Variants in FOXP2 observed in about 807,000 individuals in gnomAD.
FOXP2 encodes forkhead box P2, also known as forkhead box protein P2.
FOXP2 carries 12 observed loss-of-function variants against 115.8 expected under a neutral mutation model. The ratio of observed to expected loss-of-function variants is 0.10; its 90% confidence interval spans 0.07 to 0.17. The LOEUF is 0.17. Ranked by LOEUF, FOXP2 falls within the 10% of genes least tolerant of loss-of-function variation. FOXP2 has a pLI of 1.00. For missense variants in FOXP2, 629 were observed against 843.5 expected (o/e 0.75, Z 3.15); for synonymous variants, 328 against 297.7 (o/e 1.10, Z -1.05).
chr7:114,101,977 C>G (rs1174432254), intron 1 of FOXP2, among the ~76,000 whole-genome samples: 3 of 149,834 alleles, frequency 2.0e-5, no homozygotes, highest in African/African-American at 7.3e-5. Context: ...TCTGTTTCAT[C>G]TCAGTTATCT....
chr7:114,427,010 C>T (rs1432711234), intron 2 of FOXP2, among the ~76,000 whole-genome samples: 1 of 151,604 alleles, frequency 6.6e-6, no homozygotes, highest in Non-Finnish European at 1.5e-5. Flanking sequence ...ACTTAGTTTT[C>T]CACCAGAGGG....
intron 1 of FOXP2, among the ~76,000 whole-genome samples, chr7:114,136,579 A>G (rs561658623): frequency 6.6e-6 from 1 of 152,010 alleles, no homozygotes; most frequent in South Asian, 2.1e-4. Context: ...AAAATGGACT[A>G]TGGTCTTTTG....
intron 1 of FOXP2, among the ~76,000 whole-genome samples, chr7:114,264,042 C>T (rs755808318): frequency 6.6e-6 from 1 of 152,036 alleles, no homozygotes; most frequent in African/African-American, 2.4e-5. Flanking sequence ...TTTACGCTGC[C>T]GCCCAGGAGT....
At chr7:114,513,726 C>A (rs1455989962) in intron 2 of FOXP2, among the ~76,000 whole-genome samples, 2 of 152,062 alleles carry the variant, frequency 1.3e-5, no homozygotes, top group Non-Finnish European at 2.9e-5. Context: ...CATAAATCTG[C>A]AGAGTAAACT....
At chr7:114,318,726 T>TATATATATATATATATATATATATAC (rs1417603943) in intron 2 of FOXP2, among the ~76,000 whole-genome samples, 3 of 151,084 alleles carry the variant, frequency 2.0e-5, no homozygotes, top group African/African-American at 7.3e-5. Context: ...TATATATATA[T>TATATATATATATATATATATATATAC]ACACACACAC....
chr7:114,576,327 G>A (rs971716122), intron 3 of FOXP2, among the ~76,000 whole-genome samples: 8 of 151,904 alleles, frequency 5.3e-5, no homozygotes, highest in Non-Finnish European at 1.0e-4. Context: ...TGGAATGTAA[G>A]CTCCCTGATC....
chr7:114,260,162 A>T (rs1193727233), intron 1 of FOXP2, among the ~76,000 whole-genome samples: 1 of 151,112 alleles, frequency 6.6e-6, no homozygotes, highest in Non-Finnish European at 1.5e-5. Context: ...AAGTGCTGGG[A>T]TAACAGATGT....
chr7:114,229,783 T>C (rs1794828716), intron 1 of FOXP2, among the ~76,000 whole-genome samples: 1 of 150,610 alleles, frequency 6.6e-6, no homozygotes, highest in African/African-American at 2.4e-5. Context: ...AACACCTACA[T>C]TGAAGAAAAA....
At chr7:114,108,252 A>C (rs1791173944) in intron 1 of FOXP2, among the ~76,000 whole-genome samples, 1 of 151,842 alleles carries the variant, frequency 6.6e-6, no homozygotes, top group South Asian at 2.1e-4. Flanking sequence ...TGACCATATA[A>C]AGTATTACTT....
chr7:114,691,254 G>C lies in FOXP2; in HGVS notation c.*1328G>C, dbSNP rs760977063. 2.2e-6 allele frequency: 1 copy of C among 452,472 alleles called. No individual in the cohort carries two copies. Among genetic ancestry groups the C allele is most frequent in the Non-Finnish European group, 4.4e-6 (1 of 226,424 alleles). The allele number at this position is 452,472 out of a possible 1,614,324, so 28.0% of individuals were successfully genotyped here. ...CTTTGTTGTGTACTATTTTTTTATA[G>C]TCTTAAGTTATAATGAAAAAACAAA... is the stretch of plus-strand genomic sequence containing the variant. On this transcript the variant is annotated 3_prime_UTR_variant, in exon 17 of 17. Coordinates refer to ENST00000350908, the MANE Select transcript of FOXP2 (RefSeq NM_014491.4).
chr7:114,464,273 G>A (rs1167540710), intron 2 of FOXP2, among the ~76,000 whole-genome samples: 1 of 152,056 alleles, frequency 6.6e-6, no homozygotes, highest in African/African-American at 2.4e-5. Context: ...ACAGAGAAAG[G>A]TAGGTGGGTG....
At chr7:114,163,213 G>T (rs2129151023) in intron 1 of FOXP2, 1 of 152,082 alleles carries the variant, frequency 6.6e-6, no homozygotes, top group Non-Finnish European at 1.5e-5. Flanking sequence ...CAGGTGTTTT[G>T]GTTGTAACTT....
chr7:114,109,483 G>A (rs1339840523), intron 1 of FOXP2, among the ~76,000 whole-genome samples: 1 of 152,006 alleles, frequency 6.6e-6, no homozygotes. Flanking sequence ...TTGAAAGTTT[G>A]TGTTTCTACA....
chr7:114,095,338 A>T (rs1463819422), intron 1 of FOXP2, among the ~76,000 whole-genome samples: 2 of 152,216 alleles, frequency 1.3e-5, no homozygotes, highest in Non-Finnish European at 2.9e-5. Flanking sequence ...TACCCCATGA[A>T]CATACACTGA....
intron 2 of FOXP2, among the ~76,000 whole-genome samples, chr7:114,379,830 G>A (rs1279364831): frequency 2.0e-5 from 3 of 152,152 alleles, no homozygotes; most frequent in Non-Finnish European, 4.4e-5. Flanking sequence ...CATCTGATGG[G>A]TGCTATCAAT....
intron 4 of FOXP2, chr7:114,628,975 C>A: frequency 3.0e-6 from 1 of 329,654 alleles, no homozygotes; most frequent in South Asian, 3.1e-5. Context: ...GTTGACTTGC[C>A]AAAAAAATGC....
intron 1 of FOXP2, among the ~76,000 whole-genome samples, chr7:114,424,784 T>TA (rs1490065719): frequency 6.6e-6 from 1 of 151,562 alleles, no homozygotes; most frequent in Non-Finnish European, 1.5e-5. Flanking sequence ...TTACAGCAAT[T>TA]ATTTCCTTTC....
At chr7:114,162,870 AC>A (rs1197605163), upstream of FOXP2, 1 of 151,770 alleles carries the variant, frequency 6.6e-6, no homozygotes, top group Admixed American at 6.6e-5. Context: ...GGAAGCTTCA[AC>A]CCCCCAGTAC....
intron 2 of FOXP2, among the ~76,000 whole-genome samples, chr7:114,478,136 G>T (rs889007391): frequency 3.3e-5 from 5 of 151,810 alleles, no homozygotes; most frequent in Non-Finnish European, 7.4e-5. Flanking sequence ...AATAGATAAA[G>T]TTATTAAGAA....
Sources: gnomAD v4.1 joint callset for allele counts (sites outside exome capture counted in the v4.1 genomes callset) on GRCh38, gnomAD v4.1.1 for gene constraint, MANE v1.5 for transcripts, NCBI Gene and HGNC (gene_info 2026-07-23, HGNC 2026-07-21) for gene names.